PDGFRL: variants seen among roughly 807,000 people sequenced by gnomAD.
The protein encoded by PDGFRL is platelet derived growth factor receptor like, also known as platelet-derived growth factor receptor-like protein.
Under a neutral mutation model 37.2 loss-of-function variants are expected in PDGFRL, and 46 were observed. That is an observed-to-expected ratio of 1.24 (90% CI 0.98 to 1.58). The LOEUF (loss-of-function observed/expected upper bound fraction) is 1.58. Ranked by LOEUF, PDGFRL falls within the 40% of genes most tolerant of loss-of-function variation. PDGFRL has a pLI of 0.00. For synonymous variants in PDGFRL, 251 were observed against 184.3 expected, an observed-to-expected ratio of 1.36 and a Z score of -2.93; for missense variants, 692 against 467.6, an observed-to-expected ratio of 1.48 and a Z score of -4.43.
chr8:17,641,398 A>C (rs568724559), intron 5 of PDGFRL, among the ~76,000 whole-genome samples: 147 of 152,288 alleles, frequency 9.7e-4, no homozygotes, highest in Non-Finnish European at 1.6e-3. Context: ...AGCCCTCTCC[A>C]GGGATCTCTG....
intron 2 of PDGFRL, among the ~76,000 whole-genome samples, chr8:17,601,036 C>T (rs985468620): frequency 2.6e-5 from 4 of 152,178 alleles, no homozygotes; most frequent in African/African-American, 9.7e-5. Context: ...TGGTCATCCT[C>T]CTGTGTCCTT....
intron 1 of PDGFRL, among the ~76,000 whole-genome samples, chr8:17,588,798 C>T (rs1803871857): frequency 6.6e-6 from 1 of 152,136 alleles, no homozygotes; most frequent in Admixed American, 6.5e-5. Context: ...ATATAGACTG[C>T]AAAGTAAACA....
intron 3 of PDGFRL, among the ~76,000 whole-genome samples, chr8:17,625,351 C>A (rs1185407375): frequency 6.6e-6 from 1 of 152,128 alleles, no homozygotes; most frequent in Non-Finnish European, 1.5e-5. Context: ...GGGGTTTCAC[C>A]ATGTTGTCCA....
intron 2 of PDGFRL, among the ~76,000 whole-genome samples, chr8:17,606,781 C>CTTGGCACACA (rs1261536658): frequency 6.6e-6 from 1 of 151,908 alleles, no homozygotes; most frequent in Non-Finnish European, 1.5e-5. Flanking sequence ...GTGTAAACCT[C>CTTGGCACACA]TTGGCACACA....
intron 5 of PDGFRL, among the ~76,000 whole-genome samples, chr8:17,640,274 C>A (rs1258808109): frequency 6.6e-6 from 1 of 152,104 alleles, no homozygotes; most frequent in Admixed American, 6.5e-5. Context: ...AATTCTTTTT[C>A]TGGCAATTCA....
rs182998395 is a variant in PDGFRL at position 17,596,612 on chromosome 8, T to G, written c.353+6847T>G. 5.3e-5 allele frequency among the ~76,000 whole-genome samples: 8 copies of G among 152,330 alleles called. No individual in the cohort carries two copies. The East Asian group carries it at 1.5e-3, about 29-fold the overall frequency. ...ATGCATTTGAAAACATTTTAAAGAC[T>G]CTAAAGTGAGCGTTAATCTGAAGAG... On this transcript the variant is annotated intron_variant, in intron 2 of 5. Transcript: ENST00000251630.
At position 17,634,193 on chromosome 8, in the gene PDGFRL, T is replaced by C; in HGVS notation, c.919T>C (p.Trp307Arg). ...GCCCGATGTGGAGGTGGAGTTCACC[T>C]GGATCTTCCCAGGGCAGAAGGTAAG... is the stretch of plus-strand genomic sequence containing the variant. ...GEPDVEVEFT[W>R]IFPGQKDERP... Residue 307 changes from tryptophan (W) to arginine (R), a missense_variant, in exon 5 of 6, where the codon TGG becomes CGG. Trp to Arg is a moderately radical substitution (Grantham distance 101, BLOSUM62 -3). Coordinates refer to ENST00000251630, the MANE Select transcript of PDGFRL (RefSeq NM_001372073.1). The C allele has an allele frequency of 6.2e-7, 1 of 1,613,128 alleles. No homozygotes were observed. The highest frequency in any genetic ancestry group is 8.5e-7 in the Non-Finnish European group (1 of 1,179,210).
At chr8:17,605,502 CTCA>C (rs1200404572) in intron 2 of PDGFRL, among the ~76,000 whole-genome samples, 1 of 152,166 alleles carries the variant, frequency 6.6e-6, no homozygotes, top group Non-Finnish European at 1.5e-5. Flanking sequence ...TTTCTTGAAT[CTCA>C]TCATAACACA....
intron 3 of PDGFRL, among the ~76,000 whole-genome samples, chr8:17,622,642 C>A (rs529641553): frequency 2.0e-5 from 3 of 152,218 alleles, no homozygotes; most frequent in African/African-American, 7.2e-5. Context: ...TTGTCTCATG[C>A]CAGGAAAACT....
intron 2 of PDGFRL, among the ~76,000 whole-genome samples, chr8:17,608,078 ACT>A (rs1056768256): frequency 2.0e-5 from 3 of 151,464 alleles, no homozygotes; most frequent in Non-Finnish European, 2.9e-5. Flanking sequence ...CAACTTGTCC[ACT>A]CTGTCCTGGG....
intron 2 of PDGFRL, among the ~76,000 whole-genome samples, chr8:17,603,912 G>C (rs13256095): frequency 3.3e-5 from 5 of 152,098 alleles, no homozygotes; most frequent in African/African-American, 1.2e-4. Flanking sequence ...AAAGAGAGAA[G>C]TGTTTGAAGG....
intron 2 of PDGFRL, among the ~76,000 whole-genome samples, chr8:17,615,327 T>TGC: frequency 6.6e-6 from 1 of 152,158 alleles, no homozygotes; most frequent in Non-Finnish European, 1.5e-5. Context: ...TGTGTGTGTG[T>TGC]GCATAGCTAT....
At chr8:17,638,784 T>TATAA (rs1805032139) in intron 5 of PDGFRL, among the ~76,000 whole-genome samples, 3 of 115,040 alleles carry the variant, frequency 2.6e-5, no homozygotes, top group Admixed American at 8.8e-5. Flanking sequence ...TATATATATA[T>TATAA]ATAATTGTGA....
At chr8:17,631,921 G>A (rs938097670) in intron 4 of PDGFRL, among the ~76,000 whole-genome samples, 3 of 152,174 alleles carry the variant, frequency 2.0e-5, no homozygotes, top group Non-Finnish European at 4.4e-5. Flanking sequence ...CTTCACATCT[G>A]TACACTGGTA....
chr8:17,610,530 G>C (rs1804389054), intron 2 of PDGFRL, among the ~76,000 whole-genome samples: 2 of 152,150 alleles, frequency 1.3e-5, no homozygotes, highest in South Asian at 4.1e-4. Context: ...AAGCATTTTG[G>C]ATAAGGGATT....
intron 2 of PDGFRL, among the ~76,000 whole-genome samples, chr8:17,612,047 G>T (rs1260786807): frequency 4.6e-5 from 7 of 152,162 alleles, no homozygotes; most frequent in Non-Finnish European, 8.8e-5. Flanking sequence ...GAGCAGAATG[G>T]CTAAGAAACA....
At chr8:17,634,466 C>T (rs1370265064) in intron 5 of PDGFRL, among the ~76,000 whole-genome samples, 1 of 151,582 alleles carries the variant, frequency 6.6e-6, no homozygotes, top group Non-Finnish European at 1.5e-5. Flanking sequence ...CTCAATGTAC[C>T]CTCTTCATAT....
chr8:17,619,839 T>C (rs1192382332), intron 2 of PDGFRL, among the ~76,000 whole-genome samples: 1 of 152,224 alleles, frequency 6.6e-6, no homozygotes, highest in Non-Finnish European at 1.5e-5. Flanking sequence ...TGGTTTTACT[T>C]AAGGAAACCG....
At chr8:17,623,302 C>T (rs1329999110) in intron 3 of PDGFRL, among the ~76,000 whole-genome samples, 4 of 152,126 alleles carry the variant, frequency 2.6e-5, no homozygotes, top group African/African-American at 9.7e-5. Context: ...AGGAGAATTG[C>T]TAATAATTGT....
Sources: allele counts gnomAD v4.1 joint callset (sites outside exome capture counted in the v4.1 genomes callset), GRCh38; gene constraint gnomAD v4.1.1; transcripts MANE v1.5; gene names NCBI Gene and HGNC (gene_info 2026-07-23, HGNC 2026-07-21).